DOCK6: variants seen among roughly 807,000 people sequenced by gnomAD.
DOCK6 encodes the protein dedicator of cytokinesis protein 6.
Under a neutral mutation model 230.3 loss-of-function variants are expected in DOCK6, and 167 were observed. That is an observed-to-expected ratio of 0.73 (90% CI 0.64 to 0.82). DOCK6 has a LOEUF of 0.82. DOCK6 is among the 40% of genes least tolerant of loss of function. The pLI is 0.00. For synonymous variants in DOCK6, 1,148 were observed against 1,185.0 expected (o/e 0.97, Z 0.64); for missense variants, 2,598 against 2,825.8 (o/e 0.92, Z 1.83).
intron 22 of DOCK6, 129 bp from the exon 23 acceptor site, chr19:11,229,164 G>T: frequency 8.3e-7 from 1 of 1,206,562 alleles, no homozygotes; most frequent in Non-Finnish European, 1.1e-6. Context: ...GCAGGAGGAG[G>T]GGGACAAGAG....
chr19:11,251,148 T>C (rs1041835682), intron 5 of DOCK6, 62 bp from the exon 6 acceptor site: 31 of 1,487,652 alleles, frequency 2.1e-5, no homozygotes, highest in Non-Finnish European at 2.6e-5. Flanking sequence ...CTCACTCTGG[T>C]GAGAGTGTCC....
At chr19:11,215,020 G>A (rs1205588188) in intron 32 of DOCK6, among the ~76,000 whole-genome samples, 4 of 149,888 alleles carry the variant, frequency 2.7e-5, no homozygotes, top group African/African-American at 9.9e-5. Flanking sequence ...TCGGCTCACT[G>A]TAAGCTCCGC....
chr19:11,213,085 C>T, intron 35 of DOCK6, 91 bp downstream of exon 35: 1 of 1,492,316 alleles, frequency 6.7e-7, no homozygotes, highest in Non-Finnish European at 9.0e-7. Flanking sequence ...CAATGACTGT[C>T]TCCCCCTCCC....
Position 11,228,958 on chromosome 19 carries a change from C to A in DOCK6, c.2796G>T (p.Trp932Cys). 1 of 1,613,832 alleles carries A rather than the reference C, an allele frequency of 6.2e-7. No individual in the cohort carries two copies. The highest frequency in any genetic ancestry group is 2.2e-5 in the East Asian group (1 of 44,872). Residue 932 changes from tryptophan to cysteine, a missense_variant, in exon 23 of 48, where the codon TGG (tryptophan) becomes TGT (cysteine). By Grantham distance (215) the Trp-to-Cys change is radical. Transcript: ENST00000294618. ...GTCTCACCATGAGCTGGAAGAAGAA[C>A]CAGGCGTGCTGGAGGATGGCCTCGC... is the stretch of plus-strand genomic sequence containing the variant. ...AVREAILQHA[W>C]FFFQLMVKSM...
intron 6 of DOCK6, among the ~76,000 whole-genome samples, chr19:11,249,171 T>C (rs2080079457): frequency 6.6e-6 from 1 of 152,196 alleles, no homozygotes; most frequent in South Asian, 2.1e-4. Context: ...AATATAGGGA[T>C]ATACAGTTGG....
chr19:11,251,216 A>T, intron 5 of DOCK6, 130 bp from the exon 6 acceptor site: 2 of 915,538 alleles, frequency 2.2e-6, no homozygotes. Flanking sequence ...TCATCACTCT[A>T]AGGGTCACCT....
Position 11,211,806 on chromosome 19 carries a change from TC to T in DOCK6, c.4720del (p.Asp1574ThrfsTer24). The T allele has an allele frequency of 1.9e-6, 3 of 1,552,084 alleles. No individual in the cohort carries two copies. The highest frequency in any genetic ancestry group is 2.6e-6 in the Non-Finnish European group (3 of 1,147,178). Reference sequence around the variant, plus strand: ...CATGAGGTCGATGAGCATCTCAGGGTCCTCCTGGTGTTCCTTCATCTTCACC... The same window carrying T: ...CATGAGGTCGATGAGCATCTCAGGGTCTCCTGGTGTTCCTTCATCTTCACC... ...DTVKMKEHQE[D>X]PEMLIDLMYR... On this transcript the variant is annotated frameshift_variant, in exon 37 of 48. Coordinates refer to ENST00000294618, the MANE Select transcript of DOCK6 (RefSeq NM_020812.4). LOFTEE classifies it high-confidence loss of function.
In DOCK6 at chr19:11,200,831, T is replaced by A. The variant is rs375346289; in HGVS notation, c.5833-9A>T. The A allele has an allele frequency of 6.8e-6, 11 of 1,612,304 alleles. No individual in the cohort carries two copies. Among genetic ancestry groups the A allele is most frequent in the Non-Finnish European group, 9.3e-6 (11 of 1,178,780 alleles). On this transcript the variant is annotated splice_polypyrimidine_tract_variant and intron_variant, in intron 45 of 47. Transcript: ENST00000294618. The surrounding 1 kb of genome is among the most constrained non-coding windows in gnomAD (Gnocchi z 4.3). ...GCCACCTCCAGGGGACCCTGTGGGGTGAGAGGGACTGGTGAGCCAGCCTGC... is the reference window on the plus strand; with the variant it reads ...GCCACCTCCAGGGGACCCTGTGGGGAGAGAGGGACTGGTGAGCCAGCCTGC...
At chr19:11,239,570 A>G in intron 14 of DOCK6, 1 of 1,576,246 alleles carries the variant, frequency 6.3e-7, no homozygotes, top group Non-Finnish European at 8.6e-7. Flanking sequence ...TTGACTGGGG[A>G]TCAGTGGGGG....
intron 22 of DOCK6, chr19:11,229,255 G>A (rs1225134994): frequency 1.5e-6 from 2 of 1,325,352 alleles, no homozygotes; most frequent in African/African-American, 1.5e-5. Flanking sequence ...CCTTTGCTGG[G>A]GACCAGGACA....
At chr19:11,251,111 C>G in intron 5 of DOCK6, 25 bp from the exon 6 acceptor site, 1 of 1,592,258 alleles carries the variant, frequency 6.3e-7, no homozygotes, top group Non-Finnish European at 8.6e-7. Flanking sequence ...TGTGCAAGCA[C>G]TGAGTGCCAG....
chr19:11,212,335 G>A (rs371266287), intron 35 of DOCK6, among the ~76,000 whole-genome samples, 184 bp from the exon 36 acceptor site: 3 of 151,852 alleles, frequency 2.0e-5, no homozygotes, highest in Non-Finnish European at 4.4e-5. Context: ...TCCATCTCCC[G>A]AGTTCAGGCA....
In DOCK6 at chr19:11,221,922, C is replaced by T. The variant is rs778082263; in HGVS notation, c.3479G>A (p.Arg1160His). ...PRYAEATVKA[R>H]VAELYLPLLS... The stretch of plus-strand genomic sequence containing the variant: ...CAGTGGCAGGTACAGCTCGGCCACA[C>T]GAGCCTTCACAGTGGCCTCGGCGTA... Residue 1160 changes from arginine (R) to histidine (H), a missense_variant, in exon 28 of 48, where the codon CGT becomes CAT. Physicochemically the swap from Arg to His is conservative, Grantham distance 29. Transcript: ENST00000294618. 3.3e-5 allele frequency: 54 copies of T among 1,613,294 alleles called. No individual in the cohort carries two copies. The Middle Eastern group carries it at 4.9e-4, about 15-fold the overall frequency.
chr19:11,205,366 G>A (rs1003163112), intron 39 of DOCK6, among the ~76,000 whole-genome samples: 7 of 151,710 alleles, frequency 4.6e-5, no homozygotes, highest in Non-Finnish European at 7.4e-5. Flanking sequence ...AACCCCACCC[G>A]TGTATTTTTT....
chr19:11,226,629 G>T (rs1046925545), intron 24 of DOCK6, among the ~76,000 whole-genome samples: 5 of 152,142 alleles, frequency 3.3e-5, no homozygotes, highest in Non-Finnish European at 5.9e-5. Context: ...TCGCACTCCA[G>T]CCTGGACAAC....
chr19:11,245,932 C>T (rs2080025971), intron 7 of DOCK6, 54 bp from the exon 8 acceptor site: 3 of 1,546,718 alleles, frequency 1.9e-6, no homozygotes, highest in African/African-American at 1.4e-5. Context: ...GCTGTCCACA[C>T]ACCCCACTCC....
At position 11,201,833 on chromosome 19, in the gene DOCK6, A is replaced by ACG; in HGVS notation, c.5688+55_5688+56insCG. ...TGTGTCTACCCTCCCCTCCCCTCCC[A>ACG]GGGTCTGATGTCCCCTCACCTCCCC... is the stretch of plus-strand genomic sequence containing the variant. On this transcript the variant is annotated intron_variant, in intron 44 of 47. Coordinates refer to ENST00000294618, the MANE Select transcript of DOCK6 (RefSeq NM_020812.4). The surrounding 1 kb of genome is among the most constrained non-coding windows in gnomAD (Gnocchi z 4.3). 1 of 585,814 alleles carries ACG rather than the reference A, an allele frequency of 1.7e-6. No individual in the cohort carries two copies. The highest frequency in any genetic ancestry group is 2.6e-6 in the Non-Finnish European group (1 of 387,240). 36.3% of individuals were successfully genotyped at this position (585,814 alleles called of 1,614,324 possible).
chr19:11,256,418 G>C (rs1355213368), intron 1 of DOCK6, among the ~76,000 whole-genome samples: 1 of 152,086 alleles, frequency 6.6e-6, no homozygotes, highest in Non-Finnish European at 1.5e-5. Flanking sequence ...AAAACGCCGG[G>C]TCTGCAACAC....
intron 28 of DOCK6, chr19:11,221,641 T>G (rs2079580022): frequency 1.1e-5 from 7 of 615,552 alleles, no homozygotes; most frequent in Non-Finnish European, 2.0e-5. Context: ...TATGAAGTAG[T>G]TGGTGTTGTT....
Sources: allele counts gnomAD v4.1 joint callset (sites outside exome capture counted in the v4.1 genomes callset), GRCh38; gene constraint gnomAD v4.1.1; non-coding constraint Gnocchi (gnomAD v3.1); transcripts MANE v1.5; gene names NCBI Gene and HGNC (gene_info 2026-07-23, HGNC 2026-07-21).